CNTN5: variants seen among roughly 807,000 people sequenced by gnomAD.
CNTN5 encodes contactin-5.
Under a neutral mutation model 129.1 loss-of-function variants are expected in CNTN5, and 77 were observed. That is an observed-to-expected ratio of 0.60 (90% CI 0.50 to 0.72). CNTN5 has a LOEUF of 0.72. Ranked by LOEUF, CNTN5 falls within the 30% of genes least tolerant of loss-of-function variation. CNTN5 has a pLI of 0.00. For missense variants in CNTN5, 1,478 were observed against 1,328.8 expected, an observed-to-expected ratio of 1.11 and a Z score of -1.75; for synonymous variants, 509 against 465.6, an observed-to-expected ratio of 1.09 and a Z score of -1.20.
At chr11:99,822,013 C>A (rs1015355554) in intron 4 of CNTN5, among the ~76,000 whole-genome samples, 1 of 152,114 alleles carries the variant, frequency 6.6e-6, no homozygotes, top group Non-Finnish European at 1.5e-5. Context: ...ACTTTGAGTT[C>A]TTTTTCTCTG....
At chr11:99,558,519 TATA>T (rs1403847907) in intron 3 of CNTN5, among the ~76,000 whole-genome samples, 1 of 152,016 alleles carries the variant, frequency 6.6e-6, no homozygotes, top group Non-Finnish European at 1.5e-5. Flanking sequence ...GGTGGTGTTC[TATA>T]ATAATACTGT....
intron 15 of CNTN5, among the ~76,000 whole-genome samples, chr11:100,210,558 C>A (rs1292709588): frequency 6.6e-6 from 1 of 151,998 alleles, no homozygotes; most frequent in Admixed American, 6.6e-5. Flanking sequence ...AAGATAAAAA[C>A]AAAGATGACT....
At chr11:100,029,337 C>A (rs1275190136) in intron 9 of CNTN5, among the ~76,000 whole-genome samples, 1 of 151,876 alleles carries the variant, frequency 6.6e-6, no homozygotes, top group Non-Finnish European at 1.5e-5. Context: ...AATCCCAGCA[C>A]TTTGGGAGGC....
At chr11:99,882,554 T>A (rs1948797952) in intron 6 of CNTN5, among the ~76,000 whole-genome samples, 2 of 152,166 alleles carry the variant, frequency 1.3e-5, no homozygotes, top group Admixed American at 1.3e-4. Flanking sequence ...TCACTCATTT[T>A]TTATTTTTTT....
chr11:99,123,904 G>A (rs553243671), intron 1 of CNTN5, among the ~76,000 whole-genome samples: 23 of 151,978 alleles, frequency 1.5e-4, no homozygotes, highest in Non-Finnish European at 3.2e-4. Flanking sequence ...ATTGGTTTAT[G>A]TGTCTACTTT....
At chr11:99,771,605 G>T (rs1944948802) in intron 3 of CNTN5, among the ~76,000 whole-genome samples, 1 of 151,940 alleles carries the variant, frequency 6.6e-6, no homozygotes, top group African/African-American at 2.4e-5. Flanking sequence ...AGTGAACTTG[G>T]AAAAGCAGAG....
rs1472415992 is a variant in CNTN5, at chr11:99,819,540, A to G, written c.56-4A>G. 6.9e-6 allele frequency: 11 copies of G among 1,599,454 alleles called. No individual in the cohort carries two copies. The highest frequency in any genetic ancestry group is 9.4e-6 in the Non-Finnish European group (11 of 1,168,514). ...CAGATTTTATTATATTTTTTCTCTT[A>G]CAGAGTATTCAAAATCTCTTCCTGG... is the stretch of plus-strand genomic sequence containing the variant. On this transcript the variant is annotated splice_region_variant and splice_polypyrimidine_tract_variant and intron_variant, in intron 3 of 24. Transcript: ENST00000524871.
At chr11:100,157,394 G>GGAATA (rs1246948156) in intron 13 of CNTN5, among the ~76,000 whole-genome samples, 1 of 151,510 alleles carries the variant, frequency 6.6e-6, no homozygotes, top group African/African-American at 2.4e-5. Context: ...CCAGAACCCA[G>GGAATA]GAATAAATAT....
At chr11:99,917,559 C>T (rs976788663) in intron 7 of CNTN5, among the ~76,000 whole-genome samples, 2 of 151,998 alleles carry the variant, frequency 1.3e-5, no homozygotes, top group African/African-American at 4.8e-5. Context: ...GAGAATATAA[C>T]AGGCTTTATA....
intron 15 of CNTN5, among the ~76,000 whole-genome samples, chr11:100,213,130 T>C (rs1949066218): frequency 6.6e-6 from 1 of 152,172 alleles, no homozygotes; most frequent in Non-Finnish European, 1.5e-5. Context: ...ATTCTCTCTG[T>C]ATAATAGATC....
intron 8 of CNTN5, among the ~76,000 whole-genome samples, chr11:99,989,531 C>A (rs1938916274): frequency 6.6e-6 from 1 of 150,466 alleles, no homozygotes; most frequent in African/African-American, 2.4e-5. Flanking sequence ...ACACACACTT[C>A]ACCAAGTCAA....
At chr11:99,556,962 G>T (rs2135539808) in intron 3 of CNTN5, among the ~76,000 whole-genome samples, 1 of 151,318 alleles carries the variant, frequency 6.6e-6, no homozygotes, top group Admixed American at 6.6e-5. Flanking sequence ...ATTGAAGAAT[G>T]ATTAGAAATT....
chr11:99,634,505 A>C (rs1310925790), intron 3 of CNTN5, among the ~76,000 whole-genome samples: 1 of 152,202 alleles, frequency 6.6e-6, no homozygotes, highest in Admixed American at 6.5e-5. Flanking sequence ...TCTATGAATA[A>C]GATATACTAA....
chr11:100,128,262 A>G (rs1363065583), intron 13 of CNTN5, among the ~76,000 whole-genome samples: 2 of 152,106 alleles, frequency 1.3e-5, no homozygotes, highest in Admixed American at 1.3e-4. Context: ...AGTAAACAGA[A>G]GCACTATGTG....
intron 16 of CNTN5, among the ~76,000 whole-genome samples, chr11:100,248,255 A>T (rs559252158): frequency 6.6e-6 from 1 of 152,318 alleles, no homozygotes; most frequent in Non-Finnish European, 1.5e-5. Flanking sequence ...TATATAGCAG[A>T]AACAACAGGG....
intron 3 of CNTN5, among the ~76,000 whole-genome samples, chr11:99,581,625 GT>G (rs1949596996): frequency 6.6e-6 from 1 of 152,056 alleles, no homozygotes; most frequent in African/African-American, 2.4e-5. Flanking sequence ...TTGGTTTAAA[GT>G]CCGTTTTATC....
At chr11:100,009,721 C>T (rs893949455) in intron 9 of CNTN5, among the ~76,000 whole-genome samples, 2 of 152,050 alleles carry the variant, frequency 1.3e-5, no homozygotes, top group Admixed American at 6.6e-5. Context: ...ATAATAATGC[C>T]CATTTGTCTT....
intron 2 of CNTN5, among the ~76,000 whole-genome samples, chr11:99,435,514 C>T (rs747064550): frequency 6.6e-6 from 1 of 152,132 alleles, no homozygotes; most frequent in Non-Finnish European, 1.5e-5. Flanking sequence ...AAATGACATA[C>T]GTCTTCAGTT....
chr11:99,527,175 T>G (rs1442486631), intron 2 of CNTN5, among the ~76,000 whole-genome samples: 1 of 152,242 alleles, frequency 6.6e-6, no homozygotes, highest in Non-Finnish European at 1.5e-5. Flanking sequence ...CTAGCTAGTT[T>G]AGCTATTGAT....
Sources: gnomAD v4.1 joint callset for allele counts (sites outside exome capture counted in the v4.1 genomes callset) on GRCh38, gnomAD v4.1.1 for gene constraint, MANE v1.5 for transcripts, NCBI Gene and HGNC (gene_info 2026-07-23, HGNC 2026-07-21) for gene names.